The following IQGAP1 variants were observed in gnomAD, a reference collection of about 807,000 sequenced individuals.
IQGAP1 encodes ras GTPase-activating-like protein IQGAP1.
Under a neutral mutation model 215.6 loss-of-function variants are expected in IQGAP1, and 66 were observed. That is an observed-to-expected ratio of 0.31 (90% CI 0.25 to 0.38). IQGAP1 has a LOEUF of 0.38. Among genes scored for constraint, IQGAP1 ranks in the 10% least tolerant of loss-of-function variants. The pLI is 1.00. For missense variants in IQGAP1, 1,712 were observed against 1,997.1 expected, an observed-to-expected ratio of 0.86 and a Z score of 2.72; for synonymous variants, 772 against 728.7, an observed-to-expected ratio of 1.06 and a Z score of -0.96.
At chr15:90,413,086 G>A (rs980079407) in intron 2 of IQGAP1, among the ~76,000 whole-genome samples, 8 of 152,188 alleles carry the variant, frequency 5.3e-5, no homozygotes, top group Non-Finnish European at 8.8e-5. Flanking sequence ...CTTGCTGAGT[G>A]TAGAGTGGGT....
chr15:90,467,328 G>A, intron 17 of IQGAP1, 122 bp from the exon 18 acceptor site: 1 of 915,738 alleles, frequency 1.1e-6, no homozygotes, highest in South Asian at 2.1e-5. Flanking sequence ...CAGATCCAAG[G>A]AGCAGCTTTT....
intron 9 of IQGAP1, among the ~76,000 whole-genome samples, chr15:90,447,546 T>A (rs1027536223): frequency 7.9e-5 from 12 of 152,200 alleles, no homozygotes; most frequent in Non-Finnish European, 1.5e-5. Context: ...TTCTTTTTGC[T>A]ACTGTGATAA....
At chr15:90,492,496 G>T (rs1000563475) in intron 34 of IQGAP1, 49 bp from the exon 35 acceptor site, 12 of 1,413,102 alleles carry the variant, frequency 8.5e-6, no homozygotes, top group Non-Finnish European at 1.1e-5. Context: ...AGTGTGAAAT[G>T]ATAATGATAA....
At chr15:90,486,902 A>G in intron 31 of IQGAP1, 52 bp from the exon 32 acceptor site, 1 of 1,559,322 alleles carries the variant, frequency 6.4e-7, no homozygotes, top group Non-Finnish European at 8.8e-7. Flanking sequence ...ATTTCCCCCC[A>G]ATATCTCCTC....
rs946915104 is a variant in IQGAP1 at position 90,501,967 on chromosome 15, T to C, written c.*1859T>C. On this transcript the variant is annotated 3_prime_UTR_variant, in exon 38 of 38. Coordinates refer to ENST00000268182, the MANE Select transcript of IQGAP1 (RefSeq NM_003870.4). Reference sequence around the variant, plus strand: ...AATAGTGTAAAATGCGCTTCAAGAATGTTGATGATGATGATATAGAATTGT... The same window carrying C: ...AATAGTGTAAAATGCGCTTCAAGAACGTTGATGATGATGATATAGAATTGT... The C allele has an allele frequency of 2.0e-5, 3 of 152,508 alleles. No homozygotes were observed. The highest frequency in any genetic ancestry group is 4.4e-5 in the Non-Finnish European group (3 of 68,050). 9.4% of individuals were successfully genotyped at this position (152,508 alleles called of 1,614,324 possible). A position where few individuals can be genotyped will look rare whatever the true frequency, so the allele number is the denominator to read the frequency against.
At position 90,390,829 on chromosome 15, in the gene IQGAP1, G is replaced by C; in HGVS notation, c.111G>C (p.Gln37His). 6.2e-7 allele frequency: 1 copy of C among 1,613,422 alleles called. No individual in the cohort carries two copies. Among genetic ancestry groups the C allele is most frequent in the Non-Finnish European group, 8.5e-7 (1 of 1,179,340 alleles). ...TAEEMDERRR[Q>H]NVAYEYLCHL... Reference sequence around the variant, plus strand: ...AGGAGATGGATGAAAGGAGACGTCAGAACGTGGCTTATGAGTACCTTTGTC... The same window carrying C: ...AGGAGATGGATGAAAGGAGACGTCACAACGTGGCTTATGAGTACCTTTGTC... Residue 37 changes from glutamine to histidine, a missense_variant, in exon 2 of 38, where the codon CAG (glutamine) becomes CAC (histidine). This residue lies in a region of IQGAP1 where 1,021 missense variants were observed against 1,074.2 expected (regional missense o/e 0.95). Transcript: ENST00000268182.
intron 9 of IQGAP1, among the ~76,000 whole-genome samples, chr15:90,448,372 A>G (rs1965553433): frequency 6.6e-6 from 1 of 152,178 alleles, no homozygotes; most frequent in Non-Finnish European, 1.5e-5. Flanking sequence ...TCTGATGAAT[A>G]GCTTGTTGGG....
At chr15:90,440,729 A>T in intron 7 of IQGAP1, 114 bp downstream of exon 7, 1 of 667,286 alleles carries the variant, frequency 1.5e-6, no homozygotes, top group Non-Finnish European at 2.6e-6. Context: ...GTTTAAGTCC[A>T]CAGATGTAGT....
chr15:90,429,561 A>C, intron 3 of IQGAP1, 28 bp from the exon 4 acceptor site: 1 of 1,518,322 alleles, frequency 6.6e-7, no homozygotes, highest in South Asian at 1.2e-5. Context: ...TACAGCCAAT[A>C]ATACCTAATT....
chr15:90,396,323 A>G (rs1964718482), intron 2 of IQGAP1, among the ~76,000 whole-genome samples: 1 of 152,212 alleles, frequency 6.6e-6, no homozygotes, highest in South Asian at 2.1e-4. Context: ...AAGAAGCAAG[A>G]AAACAAAATG....
chr15:90,391,013 A>T (rs556094339), intron 2 of IQGAP1, 140 bp downstream of exon 2: 1 of 604,584 alleles, frequency 1.7e-6, no homozygotes, highest in Non-Finnish European at 3.0e-6. Context: ...GTGGGGGGGA[A>T]TCACTTGAAC....
intron 2 of IQGAP1, among the ~76,000 whole-genome samples, chr15:90,400,136 G>A (rs1964785111): frequency 6.7e-6 from 1 of 149,736 alleles, no homozygotes; most frequent in Non-Finnish European, 1.5e-5. Flanking sequence ...GCAATGTGGA[G>A]ACTCTTCTTG....
At chr15:90,457,642 A>G (rs2151025688) in intron 15 of IQGAP1, among the ~76,000 whole-genome samples, 1 of 140,542 alleles carries the variant, frequency 7.1e-6, no homozygotes, top group Non-Finnish European at 1.5e-5. Context: ...GGGTTTCACC[A>G]TGTTGGCCAG....
chr15:90,390,814 T>C lies in IQGAP1; in HGVS notation c.96T>C (p.Asp32=). ...DNERLTAEEM[D]ERRRQNVAYE... is the part of the protein sequence containing the mutation. ...AAAGACTTACTGCAGAGGAGATGGA[T>C]GAAAGGAGACGTCAGAACGTGGCTT... Residue 32 remains aspartate, a synonymous_variant, in exon 2 of 38, where the codon GAT becomes GAC. Coordinates refer to ENST00000268182, the MANE Select transcript of IQGAP1 (RefSeq NM_003870.4). 6.2e-7 allele frequency: 1 copy of C among 1,613,352 alleles called. No homozygotes were observed. Among genetic ancestry groups the C allele is most frequent in the Non-Finnish European group, 8.5e-7 (1 of 1,179,272 alleles).
At chr15:90,419,504 A>G (rs1429623835) in intron 2 of IQGAP1, among the ~76,000 whole-genome samples, 2 of 152,236 alleles carry the variant, frequency 1.3e-5, no homozygotes. Flanking sequence ...TTAAACTTGA[A>G]GAGAAAATAT....
chr15:90,395,316 T>TA (rs999253590), intron 2 of IQGAP1, among the ~76,000 whole-genome samples: 2 of 151,532 alleles, frequency 1.3e-5, no homozygotes, highest in African/African-American at 4.9e-5. Context: ...AGCGGGGTTT[T>TA]TTTTGTTTTT....
chr15:90,451,139 G>C (rs1440162356), intron 11 of IQGAP1, among the ~76,000 whole-genome samples: 1 of 152,034 alleles, frequency 6.6e-6, no homozygotes, highest in African/African-American at 2.4e-5. Flanking sequence ...ATTTATTTTT[G>C]TATATTATGA....
At chr15:90,463,482 T>G (rs577218421) in intron 15 of IQGAP1, among the ~76,000 whole-genome samples, 2 of 152,352 alleles carry the variant, frequency 1.3e-5, no homozygotes, top group African/African-American at 4.8e-5. Context: ...GCTTATGACT[T>G]CACAATTTAA....
At chr15:90,406,258 C>G (rs1158787428) in intron 2 of IQGAP1, among the ~76,000 whole-genome samples, 1 of 152,216 alleles carries the variant, frequency 6.6e-6, no homozygotes, top group Non-Finnish European at 1.5e-5. Flanking sequence ...AAAAAAAGCC[C>G]TGTCACATTA....
Sources: allele counts gnomAD v4.1 joint callset (sites outside exome capture counted in the v4.1 genomes callset), GRCh38; gene constraint gnomAD v4.1.1; regional missense constraint gnomAD v4.1.1; transcripts MANE v1.5; gene names NCBI Gene and HGNC (gene_info 2026-07-23, HGNC 2026-07-21).